Variants in IPCEF1 observed in about 807,000 individuals in gnomAD.
The protein encoded by IPCEF1 is interactor protein for cytohesin exchange factors 1.
A neutral mutation model predicts 50.9 loss-of-function variants in IPCEF1; 31 were observed. That is an observed-to-expected ratio of 0.61 (90% confidence interval 0.46 to 0.82). The LOEUF (loss-of-function observed/expected upper bound fraction) is 0.82. Among genes scored for constraint, IPCEF1 ranks in the 40% least tolerant of loss-of-function variants. The pLI is 0.00. For synonymous variants in IPCEF1, 181 were observed against 192.0 expected (o/e 0.94, Z 0.47); for missense variants, 458 against 514.0 (o/e 0.89, Z 1.05).
At chr6:154,270,566 C>A (rs898823214) in intron 2 of IPCEF1, among the ~76,000 whole-genome samples, 6 of 152,090 alleles carry the variant, frequency 3.9e-5, no homozygotes, top group African/African-American at 1.4e-4. Context: ...TGTAGTATAT[C>A]ATATTAATGC....
At chr6:154,265,857 C>T in intron 3 of IPCEF1, 55 bp downstream of exon 3, 1 of 1,252,684 alleles carries the variant, frequency 8.0e-7, no homozygotes, top group Non-Finnish European at 1.1e-6. Context: ...TACTATTTTA[C>T]TCATTCATCA....
chr6:154,301,719 T>C (rs1782800820), intron 1 of IPCEF1, among the ~76,000 whole-genome samples: 1 of 152,190 alleles, frequency 6.6e-6, no homozygotes, highest in Non-Finnish European at 1.5e-5. Context: ...TATGTGCATT[T>C]ACAGCTTTCA....
At chr6:154,329,724 T>A (rs916160186) in intron 1 of IPCEF1, among the ~76,000 whole-genome samples, 16 of 150,148 alleles carry the variant, frequency 1.1e-4, no homozygotes, top group African/African-American at 3.7e-4. Flanking sequence ...GAAAGTGAAA[T>A]TTTTTTTTTC....
chr6:154,227,487 G>C (rs1386414232), intron 5 of IPCEF1, among the ~76,000 whole-genome samples: 1 of 152,102 alleles, frequency 6.6e-6, no homozygotes, highest in Non-Finnish European at 1.5e-5. Context: ...TGGAGGCCAA[G>C]GTGGGAGGAT....
intron 1 of IPCEF1, among the ~76,000 whole-genome samples, chr6:154,313,441 T>C (rs1421575398): frequency 1.3e-5 from 2 of 151,584 alleles, no homozygotes; most frequent in Non-Finnish European, 2.9e-5. Context: ...AAACAATAGA[T>C]AGGTTGTATT....
chr6:154,266,308 C>T (rs1583923973), intron 2 of IPCEF1, among the ~76,000 whole-genome samples: 1 of 151,964 alleles, frequency 6.6e-6, no homozygotes, highest in East Asian at 1.9e-4. Flanking sequence ...TTGCTTGAGC[C>T]CAGGAGTTCA....
chr6:154,283,130 C>T (rs1412650579), intron 2 of IPCEF1, among the ~76,000 whole-genome samples: 13 of 151,368 alleles, frequency 8.6e-5, no homozygotes, highest in Non-Finnish European at 1.8e-4. Context: ...CCCATCTCTA[C>T]TAAAACTACA....
chr6:154,204,718 C>G (rs569675325), intron 9 of IPCEF1, among the ~76,000 whole-genome samples: 1 of 152,116 alleles, frequency 6.6e-6, no homozygotes, highest in African/African-American at 2.4e-5. Flanking sequence ...CTTATCAGTG[C>G]CCCCCATCCC....
At chr6:154,181,638 A>T (rs1161348353) in intron 10 of IPCEF1, among the ~76,000 whole-genome samples, 1 of 152,204 alleles carries the variant, frequency 6.6e-6, no homozygotes, top group Non-Finnish European at 1.5e-5. Context: ...TGCTTGAACT[A>T]CTGCATCTTC....
chr6:154,261,887 T>A (rs1408603934), intron 3 of IPCEF1, among the ~76,000 whole-genome samples: 1 of 152,228 alleles, frequency 6.6e-6, no homozygotes, highest in Non-Finnish European at 1.5e-5. Context: ...TCAACCCATA[T>A]AACTCAATAA....
chr6:154,342,638 G>C (rs1783941135), intron 1 of IPCEF1, among the ~76,000 whole-genome samples: 1 of 152,102 alleles, frequency 6.6e-6, no homozygotes, highest in Non-Finnish European at 1.5e-5. Context: ...CTGAGGAGGG[G>C]GAGGCAGGCA....
At chr6:154,172,488 T>C (rs1390753729) in intron 10 of IPCEF1, among the ~76,000 whole-genome samples, 1 of 152,056 alleles carries the variant, frequency 6.6e-6, no homozygotes, top group East Asian at 1.9e-4. Context: ...GGAGATTCCC[T>C]CCCATGCCTG....
In IPCEF1 at chr6:154,158,718, G is replaced by A. The variant is rs1408963703; in HGVS notation, c.*1110C>T. 6.6e-6 allele frequency: 1 copy of A among 152,092 alleles called. No individual in the cohort carries two copies. The highest frequency in any genetic ancestry group is 1.5e-5 in the Non-Finnish European group (1 of 68,020). 9.4% of individuals were successfully genotyped at this position (152,092 alleles called of 1,614,324 possible). On this transcript the variant is annotated 3_prime_UTR_variant, in exon 12 of 12. Transcript: ENST00000367220. ...TATTTCTATTTTTCTCAAGCAAAAA[G>A]TATAGACTCATCAAATATATACTAA...
At chr6:154,320,863 T>A (rs145462643) in intron 1 of IPCEF1, among the ~76,000 whole-genome samples, 1 of 152,190 alleles carries the variant, frequency 6.6e-6, no homozygotes, top group East Asian at 1.9e-4. Context: ...TATATAATTT[T>A]ATCTATAGAC....
intron 10 of IPCEF1, among the ~76,000 whole-genome samples, chr6:154,188,953 C>T (rs1439734498): frequency 6.6e-6 from 1 of 151,780 alleles, no homozygotes; most frequent in African/African-American, 2.4e-5. Flanking sequence ...AGCATTTAAC[C>T]ATAAAGGAAA....
At chr6:154,188,504 G>A (rs1562530752) in intron 10 of IPCEF1, among the ~76,000 whole-genome samples, 1 of 152,354 alleles carries the variant, frequency 6.6e-6, no homozygotes, top group East Asian at 1.9e-4. Flanking sequence ...GCATGTGCAT[G>A]TGTGTGTATG....
At position 154,199,677 on chromosome 6, in the gene IPCEF1, T is replaced by C; in HGVS notation, c.901A>G (p.Met301Val). 5 of 1,605,674 alleles carry C rather than the reference T, an allele frequency of 3.1e-6. No individual in the cohort carries two copies. In the South Asian group the frequency reaches 4.4e-5, roughly 14 times the overall value. The change falls in exon 10 of 12, where the codon ATG becomes GTG. Residue 301 changes from methionine (M) to valine (V), a missense_variant. Physicochemically the swap from Met to Val is conservative, Grantham distance 21 (BLOSUM62 1). Transcript: ENST00000367220. ...VPDKPAGSKIMDKEETKVSED... is the reference protein window; with the variant it reads ...VPDKPAGSKIVDKEETKVSED... ...TAATTTATTGGTTTACCTTTGTCCA[T>C]GATCTTTGATCCAGCAGGCTTATCT...
At chr6:154,310,798 C>G (rs1159473307) in intron 1 of IPCEF1, among the ~76,000 whole-genome samples, 1 of 151,518 alleles carries the variant, frequency 6.6e-6, no homozygotes, top group Non-Finnish European at 1.5e-5. Context: ...AATCTAAAAA[C>G]TTAATCTCAT....
intron 1 of IPCEF1, among the ~76,000 whole-genome samples, chr6:154,356,372 T>C (rs1262296486): frequency 1.3e-5 from 2 of 152,220 alleles, no homozygotes; most frequent in Admixed American, 1.3e-4. Context: ...TGCTGAATTG[T>C]GCTTTTCTAA....
Sources: gnomAD v4.1 joint callset for allele counts (sites outside exome capture counted in the v4.1 genomes callset) on GRCh38, gnomAD v4.1.1 for gene constraint, MANE v1.5 for transcripts, NCBI Gene and HGNC (gene_info 2026-07-23, HGNC 2026-07-21) for gene names.